The following FCMR variants were observed in gnomAD, a reference collection of about 807,000 sequenced individuals.
FCMR encodes Fc mu receptor, also known as immunoglobulin mu Fc receptor.
FCMR carries 34 observed loss-of-function variants against 41.6 expected under a neutral mutation model. That is an observed-to-expected ratio of 0.82 (90% CI 0.62 to 1.09). The LOEUF is 1.09. Among genes scored for constraint, FCMR ranks in the 50% least tolerant of loss-of-function variants. FCMR has a pLI of 0.00. For synonymous variants in FCMR, 209 were observed against 211.8 expected (o/e 0.99, Z 0.12); for missense variants, 496 against 512.5 (o/e 0.97, Z 0.31).
intron 7 of FCMR, among the ~76,000 whole-genome samples, chr1:206,908,442 G>A (rs1678776214): frequency 6.6e-6 from 1 of 152,198 alleles, no homozygotes; most frequent in South Asian, 2.1e-4. Flanking sequence ...ATTTATCTAT[G>A]ACCAATAGGA....
rs367587232 is a variant in FCMR at position 206,905,015 on chromosome 1, G to A, written c.*4C>T. On this transcript the variant is annotated 3_prime_UTR_variant, in exon 8 of 8. Transcript: ENST00000367091. ...CCTGGGGTTGGGGGATAGCTGGGGA[G>A]TTGTCAGGCAGGAACATTGATGTAG... 5.6e-6 allele frequency: 9 copies of A among 1,613,936 alleles called. No individual in the cohort carries two copies. Among genetic ancestry groups the A allele is most frequent in the South Asian group, 2.2e-5 (2 of 91,070 alleles).
At chr1:206,907,125 T>C (rs1291757230) in intron 7 of FCMR, among the ~76,000 whole-genome samples, 2 of 62,578 alleles carry the variant, frequency 3.2e-5, no homozygotes, top group Admixed American at 1.7e-4. Flanking sequence ...GGGGGCGGGG[T>C]GGGGACTGCG....
rs1281460428 is a variant in FCMR at position 206,907,662 on chromosome 1, T to G, written c.1044+1800A>C. The G allele has an allele frequency of 1.0e-5, 8 of 786,320 alleles. No homozygotes were observed. In the African/African-American group the frequency reaches 1.4e-4, roughly 13 times the overall value. The allele number at this position is 786,320 out of a possible 1,614,324, so 48.7% of individuals were successfully genotyped here. On this transcript the variant is annotated intron_variant, in intron 7 of 7. Transcript: ENST00000367091. ...CTGGTGCTTGATGGTGGAGGCCATC[T>G]CCTGGGCCCCCTGGCGGCCATCGTG...
At position 206,910,144 on chromosome 1, in the gene FCMR, G is replaced by A. The variant is rs1325918668; in HGVS notation, c.841+66C>T. The A allele has an allele frequency of 4.1e-6, 6 of 1,447,688 alleles. No homozygotes were observed. The African/African-American group carries it at 8.7e-5, about 21-fold the overall frequency. 89.7% of individuals were successfully genotyped at this position (1,447,688 alleles called of 1,614,324 possible). A position where few individuals can be genotyped will look rare whatever the true frequency, so the allele number is the denominator to read the frequency against. Reference sequence around the variant, plus strand: ...CCGAGTTTCCCATGGAAGTTCAAAAGGGGGTTCTGAACGCTGTGGGCTCTT... The same window carrying A: ...CCGAGTTTCCCATGGAAGTTCAAAAAGGGGTTCTGAACGCTGTGGGCTCTT... On this transcript the variant is annotated intron_variant, in intron 5 of 7. Coordinates refer to ENST00000367091, the MANE Select transcript of FCMR (RefSeq NM_005449.5).
intron 4 of FCMR, among the ~76,000 whole-genome samples, chr1:206,911,401 A>G (rs1678935383): frequency 6.6e-6 from 1 of 152,176 alleles, no homozygotes; most frequent in African/African-American, 2.4e-5. Context: ...GTAAAAGGAA[A>G]TGGGTGAAAG....
chr1:206,922,727 G>A (rs1679481251), upstream of FCMR, among the ~76,000 whole-genome samples: 1 of 152,258 alleles, frequency 6.6e-6, no homozygotes, highest in Non-Finnish European at 1.5e-5. Context: ...CACCCTGGTA[G>A]AGCTCTCCTT....
chr1:206,914,979 G>C (rs1467254794), intron 1 of FCMR, among the ~76,000 whole-genome samples: 1 of 152,212 alleles, frequency 6.6e-6, no homozygotes, highest in African/African-American at 2.4e-5. Context: ...AAACAGCATA[G>C]AGCCCCCACG....
chr1:206,906,221 T>C (rs1678639063), intron 7 of FCMR: 2 of 448,372 alleles, frequency 4.5e-6, no homozygotes, highest in South Asian at 3.8e-5. Context: ...GGAGAAACGA[T>C]ACACAAAGTT....
At position 206,907,453 on chromosome 1, in the gene FCMR, G is replaced by T. The variant is rs77281342; in HGVS notation, c.1044+2009C>A. On this transcript the variant is annotated intron_variant, in intron 7 of 7. Coordinates refer to ENST00000367091, the MANE Select transcript of FCMR (RefSeq NM_005449.5). ...AATTTCAGTCCCGAGATGACCTCTT[G>T]GCTCACTGGCTCAGGCCACCTCTTC... Among the ~76,000 whole-genome samples, 1,208 of 152,300 alleles carry T rather than the reference G, an allele frequency of 7.9e-3. 10 individuals carry two copies. The highest frequency in any genetic ancestry group is 0.028 in the African/African-American group (1,168 of 41,560).
chr1:206,904,398 T>C lies in FCMR; in HGVS notation c.*621A>G, dbSNP rs1238114894. ...AAGAGAATTTATGGATATATATGCA[T>C]ATCTTGCTAATAAGTTTGGTTTATC... On this transcript the variant is annotated 3_prime_UTR_variant, in exon 8 of 8. Coordinates refer to ENST00000367091, the MANE Select transcript of FCMR (RefSeq NM_005449.5). 3 of 152,944 alleles carry C rather than the reference T, an allele frequency of 2.0e-5. No individual in the cohort carries two copies. Among genetic ancestry groups the C allele is most frequent in the Non-Finnish European group, 4.4e-5 (3 of 68,608 alleles). The allele number at this position is 152,944 out of a possible 1,614,324, so 9.5% of individuals were successfully genotyped here.
At position 206,909,473 on chromosome 1, in the gene FCMR, C is replaced by G; in HGVS notation, c.1033G>C (p.Ala345Pro). The G allele has an allele frequency of 7.8e-7, 1 of 1,280,884 alleles. No individual in the cohort carries two copies. Among genetic ancestry groups the G allele is most frequent in the Non-Finnish European group, 9.9e-7 (1 of 1,014,754 alleles). 79.3% of individuals were successfully genotyped at this position (1,280,884 alleles called of 1,614,324 possible). Reference sequence around the variant, plus strand: ...GGAGCGGAGCTTACCTGCAGCGGGGCGGGGGGCAACGGCGCTCCGGGGCCG... The same window carrying G: ...GGAGCGGAGCTTACCTGCAGCGGGGGGGGGGGCAACGGCGCTCCGGGGCCG... ...VPGPGAPLPP[A>P]PLQVSESPWL... Residue 345 changes from alanine to proline, a missense_variant, in exon 7 of 8, where the codon GCC (alanine) becomes CCC (proline). Transcript: ENST00000367091. The surrounding 1 kb of genome is among the most constrained non-coding windows in gnomAD (Gnocchi z 5.0).
upstream of FCMR, chr1:206,923,179 G>A (rs1161554420): frequency 2.6e-5 from 4 of 152,306 alleles, no homozygotes; most frequent in East Asian, 1.9e-4. Context: ...TGACAGACCC[G>A]GGCTCCACAG....
At chr1:206,914,442 T>C (rs548038743) in intron 1 of FCMR, among the ~76,000 whole-genome samples, 10 of 150,114 alleles carry the variant, frequency 6.7e-5, no homozygotes, top group African/African-American at 1.2e-4. Flanking sequence ...CTTTTCTTTT[T>C]TTTTTTTTTA....
chr1:206,909,840 G>C lies in FCMR; in HGVS notation c.870C>G (p.Ala290=), dbSNP rs1678845415. ...AGCTCTCCAGGGCGCGCATCCTCAC[G>C]GCCAGTCGGCGGGCCCGCCTGGAGA... is the stretch of plus-strand genomic sequence containing the variant. ...KALSRRARRL[A]VRMRALESSQ... The change falls in exon 6 of 8, where the codon GCC becomes GCG. Residue 290 remains alanine (A), a synonymous_variant. Coordinates refer to ENST00000367091, the MANE Select transcript of FCMR (RefSeq NM_005449.5). This position sits in a 1 kb window ranked among gnomAD's most constrained non-coding sequence, Gnocchi z 5.0. 5 of 1,387,738 alleles carry C rather than the reference G, an allele frequency of 3.6e-6. No homozygotes were observed. Among genetic ancestry groups the C allele is most frequent in the South Asian group, 1.7e-5 (1 of 60,364 alleles). 86.0% of individuals were successfully genotyped at this position (1,387,738 alleles called of 1,614,324 possible).
rs187008958 is a variant in FCMR, at chr1:206,920,983, C to T, written c.37+835G>A. On this transcript the variant is annotated intron_variant, in intron 1 of 7. Transcript: ENST00000367091. ...GGCTGATGATCAGCGATACTTCAGACAGGTGAAATAGCTGGTTTGGATGGT... is the reference window on the plus strand; with the variant it reads ...GGCTGATGATCAGCGATACTTCAGATAGGTGAAATAGCTGGTTTGGATGGT... Among the ~76,000 whole-genome samples, 342 of 151,500 alleles carry T rather than the reference C, an allele frequency of 2.3e-3. 2 individuals carry two copies. Among genetic ancestry groups the T allele is most frequent in the Non-Finnish European group, 3.6e-3 (242 of 67,954 alleles).
chr1:206,919,345 C>T (rs889712065), intron 1 of FCMR, among the ~76,000 whole-genome samples: 1 of 152,142 alleles, frequency 6.6e-6, no homozygotes, highest in African/African-American at 2.4e-5. Flanking sequence ...CCTGTAATCC[C>T]AGCACTTTGG....
At chr1:206,914,310 TTTCCTTCCTTCCTTCCTTCCTTCC>T (rs139221448) in intron 1 of FCMR, among the ~76,000 whole-genome samples, 68,446 of 145,506 alleles carry the variant, frequency 0.47, 16,368 homozygotes, top group Middle Eastern at 0.53. Context: ...TTTTCTTTTC[TTTCCTTCCTTCCTTCCTTCCTTCC>T]TTCCTTCCTT....
chr1:206,907,750 T>C, intron 7 of FCMR: 1 of 1,120,728 alleles, frequency 8.9e-7, no homozygotes, highest in Non-Finnish European at 1.4e-6. Flanking sequence ...TCAACATTTC[T>C]GGCAATTTCT....
intron 1 of FCMR, among the ~76,000 whole-genome samples, chr1:206,915,209 C>G (rs1679135720): frequency 6.6e-6 from 1 of 152,194 alleles, no homozygotes; most frequent in Non-Finnish European, 1.5e-5. Flanking sequence ...CAATCAATGG[C>G]CAGTGAGCAG....
Sources: allele counts gnomAD v4.1 joint callset (sites outside exome capture counted in the v4.1 genomes callset), GRCh38; gene constraint gnomAD v4.1.1; non-coding constraint Gnocchi (gnomAD v3.1); transcripts MANE v1.5; gene names NCBI Gene and HGNC (gene_info 2026-07-23, HGNC 2026-07-21).